ZNF423: variants seen among roughly 807,000 people sequenced by gnomAD.
ZNF423 encodes Ebf-associated zinc finger protein.
A neutral mutation model predicts 95.8 loss-of-function variants in ZNF423; 12 were observed. That is an observed-to-expected ratio of 0.13 (90% CI 0.08 to 0.20). ZNF423 has a LOEUF of 0.20. Among genes scored for constraint, ZNF423 ranks in the 10% least tolerant of loss-of-function variants. ZNF423 has a pLI of 1.00. For missense variants in ZNF423, 1,316 were observed against 1,737.1 expected (o/e 0.76, Z 4.31); for synonymous variants, 749 against 711.9 (o/e 1.05, Z -0.83).
At chr16:49,830,468 C>T (rs1362560844) in intron 1 of ZNF423, among the ~76,000 whole-genome samples, 1 of 152,158 alleles carries the variant, frequency 6.6e-6, no homozygotes, top group Admixed American at 6.5e-5. Flanking sequence ...GCTTGAACAT[C>T]CCCAGATTCA....
chr16:49,551,552 G>A (rs1210231250), intron 5 of ZNF423, among the ~76,000 whole-genome samples: 2 of 152,216 alleles, frequency 1.3e-5, no homozygotes, highest in African/African-American at 4.8e-5. Flanking sequence ...GGCCAAACTA[G>A]TAGCTCTGTC....
In ZNF423 at chr16:49,720,220, A is replaced by G. The variant is rs145645642; in HGVS notation, c.301+10551T>C. On this transcript the variant is annotated intron_variant, in intron 3 of 7. Transcript: ENST00000563137. ...CAAGGGTCAAAGTCACTCTTCCACAAGATGCAAACAAAGAAAAGGTCCAGT... is the reference window on the plus strand; with the variant it reads ...CAAGGGTCAAAGTCACTCTTCCACAGGATGCAAACAAAGAAAAGGTCCAGT... Among the ~76,000 whole-genome samples the G allele has an allele frequency of 3.8e-4, 58 of 152,354 alleles. No homozygotes were observed. In the East Asian group the frequency reaches 0.01, roughly 27 times the overall value.
chr16:49,779,541 TGCAAACCACCCCAGGAC>T (rs2034174657), intron 2 of ZNF423, among the ~76,000 whole-genome samples: 2 of 152,050 alleles, frequency 1.3e-5, no homozygotes, highest in African/African-American at 4.8e-5. Flanking sequence ...GGAGCACTGG[TGCAAACCACCCCAGGAC>T]GCACAAGGCT....
At chr16:49,547,927 C>T (rs941079398) in intron 5 of ZNF423, among the ~76,000 whole-genome samples, 2 of 152,186 alleles carry the variant, frequency 1.3e-5, no homozygotes, top group African/African-American at 4.8e-5. Flanking sequence ...ACCAATTGTG[C>T]GTTTTCCACG....
chr16:49,499,357 GCTGT>G (rs1567425294), intron 7 of ZNF423, among the ~76,000 whole-genome samples: 1 of 152,258 alleles, frequency 6.6e-6, no homozygotes, highest in Non-Finnish European at 1.5e-5. Context: ...AGCCAGGGAA[GCTGT>G]CTCTCATGTG....
chr16:49,694,435 T>C (rs921865461), intron 3 of ZNF423, among the ~76,000 whole-genome samples: 1 of 152,222 alleles, frequency 6.6e-6, no homozygotes, highest in Non-Finnish European at 1.5e-5. Context: ...AGAATTGGAT[T>C]TGTAAAGCTA....
intron 5 of ZNF423, 31 bp downstream of exon 5, chr16:49,626,139 C>G (rs1012602589): frequency 3.7e-6 from 6 of 1,609,056 alleles, no homozygotes; most frequent in Non-Finnish European, 5.1e-6. Context: ...AAGAGTAGCT[C>G]CAGCATGGCT....
Position 49,638,002 on chromosome 16 carries a change from G to C in ZNF423, c.1174C>G (p.Pro392Ala), listed in dbSNP as rs761882806. ...CGCAGCGGCTTCAAGGTGGAGTCCG[G>C]GGTGGAGCCACGCTCCACAGAGGCG... is the stretch of plus-strand genomic sequence containing the variant. ...SSASVERGST[P>A]DSTLKPLRGQ... Residue 392 changes from proline to alanine, a missense_variant, in exon 4 of 8, where the codon CCG (proline) becomes GCG (alanine). Pro to Ala is a conservative substitution (Grantham distance 27). Around this residue, in one of 6 missense-constraint regions of ZNF423, gnomAD observed 399 missense variants for 478.5 expected, o/e 0.83. Coordinates refer to ENST00000563137, the MANE Select transcript of ZNF423 (RefSeq NM_001379286.1). The surrounding 1 kb of genome is among the most constrained non-coding windows in gnomAD (Gnocchi z 5.6). 4 of 1,614,044 alleles carry C rather than the reference G, an allele frequency of 2.5e-6. No homozygotes were observed. The South Asian group carries it at 4.4e-5, about 18-fold the overall frequency.
intron 1 of ZNF423, among the ~76,000 whole-genome samples, chr16:49,834,867 A>C (rs1351326081): frequency 1.3e-5 from 2 of 151,824 alleles, no homozygotes; most frequent in African/African-American, 4.8e-5. Context: ...AAGTGGGTCA[A>C]GGAGGAAGGA....
At chr16:49,657,439 C>T (rs1447545185) in intron 3 of ZNF423, among the ~76,000 whole-genome samples, 1 of 152,208 alleles carries the variant, frequency 6.6e-6, no homozygotes, top group East Asian at 1.9e-4. Flanking sequence ...GCATCATGGC[C>T]AGTGGCCCCC....
intron 1 of ZNF423, chr16:49,853,860 A>T: frequency 1.0e-6 from 1 of 985,378 alleles, no homozygotes; most frequent in Non-Finnish European, 1.2e-6. Flanking sequence ...GGAGGTTTGG[A>T]GAAGTGGATT....
chr16:49,858,079 G>C (rs931121491), upstream of ZNF423, among the ~76,000 whole-genome samples: 7 of 152,122 alleles, frequency 4.6e-5, no homozygotes, highest in Non-Finnish European at 8.8e-5. The surrounding 1 kb of genome is among the most constrained non-coding windows in gnomAD (Gnocchi z 4.3). Flanking sequence ...CAGGAGAACG[G>C]AGCGGGTGCA....
chr16:49,543,727 GC>G lies in ZNF423; in HGVS notation c.3602-18234del, dbSNP rs1259533897. On this transcript the variant is annotated intron_variant, in intron 5 of 7. Transcript: ENST00000563137. Reference sequence around the variant, plus strand: ...CGCCCGCTGAGCCTATGTCCAGCTGGCCCAACTGAGGAAGGACTGCCCAGGG... The same window carrying G: ...CGCCCGCTGAGCCTATGTCCAGCTGGCCAACTGAGGAAGGACTGCCCAGGG... Among the ~76,000 whole-genome samples the G allele has an allele frequency of 5.9e-5, 9 of 152,178 alleles. 1 individual carries two copies. The highest frequency in any genetic ancestry group is 5.9e-4 in the Admixed American group (9 of 15,276).
intron 1 of ZNF423, among the ~76,000 whole-genome samples, chr16:49,816,467 C>T (rs773677581): frequency 3.3e-5 from 5 of 152,198 alleles, no homozygotes; most frequent in Non-Finnish European, 7.4e-5. Flanking sequence ...TTTAGTCAAA[C>T]AGTGCTCTCC....
chr16:49,788,366 G>C (rs758265470), intron 2 of ZNF423, among the ~76,000 whole-genome samples: 3 of 152,182 alleles, frequency 2.0e-5, no homozygotes, highest in Admixed American at 2.0e-4. Context: ...CTGAGTCTCC[G>C]TATTCTGTAC....
intron 5 of ZNF423, among the ~76,000 whole-genome samples, chr16:49,625,212 G>C (rs1467986728): frequency 6.6e-6 from 1 of 152,196 alleles, no homozygotes; most frequent in Admixed American, 6.5e-5. Context: ...AATTAGCCAG[G>C]CGCAGTGGCA....
At chr16:49,548,611 C>T (rs558334640) in intron 5 of ZNF423, among the ~76,000 whole-genome samples, 3 of 152,100 alleles carry the variant, frequency 2.0e-5, no homozygotes, top group Non-Finnish European at 2.9e-5. Context: ...ATCTGCACCT[C>T]GGGAGAAAGA....
At chr16:49,834,677 T>C (rs973520232) in intron 1 of ZNF423, among the ~76,000 whole-genome samples, 2 of 152,106 alleles carry the variant, frequency 1.3e-5, no homozygotes, top group African/African-American at 2.4e-5. Context: ...TGTCCAGAAC[T>C]GTCTGTCCAC....
intron 7 of ZNF423, among the ~76,000 whole-genome samples, chr16:49,511,641 G>A (rs1213431312): frequency 6.6e-6 from 1 of 152,198 alleles, no homozygotes; most frequent in African/African-American, 2.4e-5. Flanking sequence ...GCCTTCTAAG[G>A]ACAAGGAGTG....
Sources: allele counts gnomAD v4.1 joint callset (sites outside exome capture counted in the v4.1 genomes callset), GRCh38; gene constraint gnomAD v4.1.1; regional missense constraint gnomAD v4.1.1; non-coding constraint Gnocchi (gnomAD v3.1); transcripts MANE v1.5; gene names NCBI Gene and HGNC (gene_info 2026-07-23, HGNC 2026-07-21).